SDHAF3: variants seen among roughly 807,000 people sequenced by gnomAD.
The protein encoded by SDHAF3 is succinate dehydrogenase assembly factor 3, mitochondrial.
Under a neutral mutation model 11.5 loss-of-function variants are expected in SDHAF3, and 18 were observed. The ratio of observed to expected loss-of-function variants is 1.56; its 90% CI spans 1.08 to 2.32. The LOEUF (loss-of-function observed/expected upper bound fraction) is 2.32. Among genes scored for constraint, SDHAF3 ranks in the 30% most tolerant of loss-of-function variants. SDHAF3 has a pLI of 0.00. For synonymous variants in SDHAF3, 72 were observed against 59.3 expected, an observed-to-expected ratio of 1.21 and a Z score of -0.99; for missense variants, 200 against 154.4, an observed-to-expected ratio of 1.30 and a Z score of -1.57.
intron 1 of SDHAF3, among the ~76,000 whole-genome samples, chr7:97,173,228 A>C (rs940107862): frequency 1.3e-5 from 2 of 152,216 alleles, no homozygotes; most frequent in African/African-American, 4.8e-5. Flanking sequence ...GAAAGTGAGA[A>C]GTTATTGAAA....
chr7:97,145,316 G>A (rs767229720), intron 1 of SDHAF3, among the ~76,000 whole-genome samples: 1 of 152,016 alleles, frequency 6.6e-6, no homozygotes, highest in African/African-American at 2.4e-5. Context: ...ATCTGAAGTA[G>A]TATTTGTCTT....
chr7:97,175,828 T>C (rs1789670820), intron 1 of SDHAF3, among the ~76,000 whole-genome samples: 1 of 152,222 alleles, frequency 6.6e-6, no homozygotes, highest in Non-Finnish European at 1.5e-5. Flanking sequence ...TGTAGTTCAC[T>C]GCTGTATTAA....
intron 1 of SDHAF3, among the ~76,000 whole-genome samples, chr7:97,151,900 T>A (rs1219147060): frequency 2.0e-5 from 3 of 152,138 alleles, no homozygotes; most frequent in Non-Finnish European, 4.4e-5. Flanking sequence ...ACTGGTTCCC[T>A]GCTGTTCCCC....
rs36056301 is a variant in SDHAF3, at chr7:97,148,930, CT to C, written c.174+31048del. Among the ~76,000 whole-genome samples the C allele has an allele frequency of 3.8e-3, 530 of 139,220 alleles. 2 individuals are homozygous for C. Among genetic ancestry groups the C allele is most frequent in the East Asian group, 0.013 (62 of 4,820 alleles). 91.3% of individuals were successfully genotyped at this position (139,220 alleles called of 152,430 possible). A position where few individuals can be genotyped will look rare whatever the true frequency, so the allele number is the denominator to read the frequency against. On this transcript the variant is annotated intron_variant, in intron 1 of 1. Coordinates refer to ENST00000432641, the MANE Select transcript of SDHAF3 (RefSeq NM_020186.3). ...TGATGCACAATCAGTAGATTTGTGTCTTTTTTTTTTTTTTTCTGAAACAGGA... is the reference window on the plus strand; with the variant it reads ...TGATGCACAATCAGTAGATTTGTGTCTTTTTTTTTTTTTTCTGAAACAGGA...
At chr7:97,129,823 C>T (rs367959549) in intron 1 of SDHAF3, among the ~76,000 whole-genome samples, 14 of 152,196 alleles carry the variant, frequency 9.2e-5, no homozygotes, top group East Asian at 3.9e-4. Context: ...CTGCTGAGGG[C>T]GAGCCAGGCA....
chr7:97,152,740 C>T (rs554009115), intron 1 of SDHAF3, among the ~76,000 whole-genome samples: 5 of 152,276 alleles, frequency 3.3e-5, no homozygotes, highest in Admixed American at 3.3e-4. Flanking sequence ...ACCCCTGCCT[C>T]CCAGGTTCAA....
At chr7:97,171,607 C>G (rs1789602479) in intron 1 of SDHAF3, among the ~76,000 whole-genome samples, 1 of 151,952 alleles carries the variant, frequency 6.6e-6, no homozygotes, top group South Asian at 2.1e-4. Flanking sequence ...TTCTTGAACT[C>G]TATACAGTTG....
At chr7:97,138,000 G>A (rs1471266851) in intron 1 of SDHAF3, among the ~76,000 whole-genome samples, 1 of 150,412 alleles carries the variant, frequency 6.6e-6, no homozygotes, top group Non-Finnish European at 1.5e-5. Context: ...AGCCTCTTGA[G>A]TAGCTGGGAT....
At chr7:97,144,009 T>A (rs1008144956) in intron 1 of SDHAF3, among the ~76,000 whole-genome samples, 3 of 151,962 alleles carry the variant, frequency 2.0e-5, no homozygotes, top group Admixed American at 6.6e-5. Context: ...TATTTTTTTA[T>A]TTTTTTTATT....
At chr7:97,170,720 C>G (rs376406582) in intron 1 of SDHAF3, among the ~76,000 whole-genome samples, 51 of 151,820 alleles carry the variant, frequency 3.4e-4, no homozygotes, top group African/African-American at 1.2e-3. Flanking sequence ...TTGCTCATCT[C>G]TGGGAGTCAC....
intron 1 of SDHAF3, among the ~76,000 whole-genome samples, chr7:97,120,826 A>G (rs1028396273): frequency 2.6e-5 from 4 of 152,188 alleles, no homozygotes; most frequent in Non-Finnish European, 5.9e-5. Flanking sequence ...GATCAAGAAC[A>G]CTAGAGGCCC....
chr7:97,175,567 G>C (rs894574802), intron 1 of SDHAF3, among the ~76,000 whole-genome samples: 1 of 152,126 alleles, frequency 6.6e-6, no homozygotes, highest in African/African-American at 2.4e-5. Context: ...TGGGATTACA[G>C]GTGTGAGCCA....
intron 1 of SDHAF3, among the ~76,000 whole-genome samples, chr7:97,180,786 A>T (rs1303480533): frequency 6.6e-6 from 1 of 152,196 alleles, no homozygotes; most frequent in East Asian, 1.9e-4. Context: ...TATCCAGGTT[A>T]AAAATTTTGC....
intron 1 of SDHAF3, among the ~76,000 whole-genome samples, chr7:97,130,865 G>A (rs1207490581): frequency 6.6e-6 from 1 of 152,214 alleles, no homozygotes; most frequent in Non-Finnish European, 1.5e-5. Flanking sequence ...GAATGGAGGA[G>A]TGTATGCTGA....
chr7:97,180,504 TG>T (rs1208068671), intron 1 of SDHAF3, among the ~76,000 whole-genome samples: 6 of 152,198 alleles, frequency 3.9e-5, no homozygotes, highest in Non-Finnish European at 7.3e-5. Flanking sequence ...GCTTACTCCC[TG>T]GGTGACAGGA....
chr7:97,158,150 C>G (rs1789332386), intron 1 of SDHAF3, among the ~76,000 whole-genome samples: 1 of 152,018 alleles, frequency 6.6e-6, no homozygotes, highest in African/African-American at 2.4e-5. Context: ...ACAATCATTG[C>G]TAGGTTACTT....
chr7:97,166,753 G>A (rs547575731), intron 1 of SDHAF3, among the ~76,000 whole-genome samples: 9 of 151,830 alleles, frequency 5.9e-5, no homozygotes, highest in East Asian at 3.9e-4. Flanking sequence ...TGGCGGGGGG[G>A]GCTTAGAATT....
rs148965438 is a variant in SDHAF3, at chr7:97,174,664, A to T, written c.175-6348A>T. ...ATAGAGTGTCCCTTAATTGAACTTT[A>T]TCTGATGTTTTCTTATGATTAGATT... On this transcript the variant is annotated intron_variant, in intron 1 of 1. Coordinates refer to ENST00000432641, the MANE Select transcript of SDHAF3 (RefSeq NM_020186.3). Among the ~76,000 whole-genome samples, 12 of 152,198 alleles carry T rather than the reference A, an allele frequency of 7.9e-5. No homozygotes were observed. The East Asian group carries it at 2.3e-3, about 29-fold the overall frequency.
At chr7:97,156,031 A>G (rs920546183) in intron 1 of SDHAF3, among the ~76,000 whole-genome samples, 4 of 152,214 alleles carry the variant, frequency 2.6e-5, no homozygotes. Flanking sequence ...TTGACACAGT[A>G]TTGCTAACTA....
Sources: allele counts gnomAD v4.1 joint callset (sites outside exome capture counted in the v4.1 genomes callset), GRCh38; gene constraint gnomAD v4.1.1; transcripts MANE v1.5; gene names NCBI Gene and HGNC (gene_info 2026-07-23, HGNC 2026-07-21).